Variants in KLHL28 observed in about 807,000 individuals in gnomAD.
KLHL28 encodes kelch like family member 28.
In KLHL28, 22 loss-of-function variants were observed where a neutral mutation model predicts 48.3. The observed-to-expected ratio is 0.46, with a 90% CI of 0.33 to 0.65. The LOEUF (loss-of-function observed/expected upper bound fraction) is 0.65, where lower values mean the gene tolerates loss of function less well. KLHL28 is among the 30% of genes least tolerant of loss of function. The probability of loss-of-function intolerance (pLI) is 0.03; values close to 1 mark genes in which losing one functional copy is unlikely to be tolerated. For synonymous variants in KLHL28, 243 were observed against 242.4 expected, an observed-to-expected ratio of 1.00 and a Z score of -0.02; for missense variants, 527 against 704.3, an observed-to-expected ratio of 0.75 and a Z score of 2.85.
At chr14:44,948,871 T>C (rs1210167998) in intron 1 of KLHL28, among the ~76,000 whole-genome samples, 9 of 152,148 alleles carry the variant, frequency 5.9e-5, no homozygotes, top group Admixed American at 5.9e-4. Flanking sequence ...AGCATTTATT[T>C]ACTATATCCC....
intron 2 of KLHL28, among the ~76,000 whole-genome samples, chr14:44,943,964 G>A (rs147808879): frequency 2.3e-4 from 35 of 152,134 alleles, no homozygotes; most frequent in African/African-American, 7.9e-4. Flanking sequence ...ATCCTCCTGT[G>A]TTGGCCTCCC....
chr14:44,941,584 C>T (rs1284700070), intron 2 of KLHL28, among the ~76,000 whole-genome samples: 7 of 148,398 alleles, frequency 4.7e-5, no homozygotes, highest in South Asian at 2.1e-4. Context: ...GCCGAGATTG[C>T]GCCACTGCAC....
chr14:44,958,627 A>C (rs138391813), intron 1 of KLHL28, among the ~76,000 whole-genome samples: 1 of 152,116 alleles, frequency 6.6e-6, no homozygotes, highest in Non-Finnish European at 1.5e-5. Flanking sequence ...GACAAACAAA[A>C]GAAAAGTAAA....
At chr14:44,951,243 T>TGGA (rs1884566899) in intron 1 of KLHL28, among the ~76,000 whole-genome samples, 1 of 151,994 alleles carries the variant, frequency 6.6e-6, no homozygotes, top group Admixed American at 6.6e-5. Context: ...GTAGGGGAAA[T>TGGA]AGAGAGGTGA....
chr14:44,942,373 T>C (rs941214468), intron 2 of KLHL28, among the ~76,000 whole-genome samples: 1 of 152,144 alleles, frequency 6.6e-6, no homozygotes, highest in African/African-American at 2.4e-5. Context: ...GATCTCATCA[T>C]CTCTTGCCTA....
chr14:44,961,221 T>C, intron 1 of KLHL28: 1 of 254,282 alleles, frequency 3.9e-6, no homozygotes, highest in Non-Finnish European at 7.6e-6. Flanking sequence ...AGTGAAATTG[T>C]CTTCGCAATC....
chr14:44,946,264 G>A (rs1353886802), intron 1 of KLHL28, among the ~76,000 whole-genome samples: 3 of 152,148 alleles, frequency 2.0e-5, no homozygotes, highest in Non-Finnish European at 4.4e-5. Context: ...TCAAGTCTGA[G>A]CTATCACTGA....
At chr14:44,957,243 T>A (rs1445190929) in intron 1 of KLHL28, among the ~76,000 whole-genome samples, 1 of 152,226 alleles carries the variant, frequency 6.6e-6, no homozygotes, top group Non-Finnish European at 1.5e-5. Context: ...TGAAGATGCG[T>A]GATAGGTAAA....
intron 1 of KLHL28, among the ~76,000 whole-genome samples, chr14:44,947,716 A>G (rs759622975): frequency 1.3e-5 from 2 of 152,196 alleles, no homozygotes; most frequent in Non-Finnish European, 2.9e-5. Context: ...AACTCTTGAA[A>G]TTTTTATCTT....
intron 1 of KLHL28, chr14:44,960,895 G>C: frequency 3.2e-6 from 5 of 1,538,714 alleles, no homozygotes; most frequent in African/African-American, 2.7e-5. Flanking sequence ...ACCTGGTACA[G>C]AGCAGGGTAG....
chr14:44,950,997 G>C (rs1884555752), intron 1 of KLHL28, among the ~76,000 whole-genome samples: 1 of 152,220 alleles, frequency 6.6e-6, no homozygotes, highest in Non-Finnish European at 1.5e-5. Context: ...TGGCTTATTA[G>C]ATTTAGATAG....
chr14:44,940,655 C>T (rs142703978), intron 2 of KLHL28, among the ~76,000 whole-genome samples: 8 of 152,070 alleles, frequency 5.3e-5, no homozygotes, highest in South Asian at 2.1e-4. Flanking sequence ...TGCTTTCAAC[C>T]CCCCCGCCAG....
rs1055659162 is a variant in KLHL28 at position 44,925,088 on chromosome 14, A to C, written c.*3940T>G. On this transcript the variant is annotated 3_prime_UTR_variant, in exon 5 of 5. Transcript: ENST00000396128. ...TAAAGTGCTGTTTACAAAGGGAAAA[A>C]AGGTTAAGAAGTAGAACTGGATGTT... The C allele has an allele frequency of 1.3e-5, 2 of 152,592 alleles. No homozygotes were observed. The highest frequency in any genetic ancestry group is 4.8e-5 in the African/African-American group (2 of 41,460). 9.5% of individuals were successfully genotyped at this position (152,592 alleles called of 1,614,324 possible).
chr14:44,950,458 C>A (rs746746369), intron 1 of KLHL28, among the ~76,000 whole-genome samples: 3 of 152,046 alleles, frequency 2.0e-5, no homozygotes, highest in Non-Finnish European at 4.4e-5. Flanking sequence ...TTTTTGTGTA[C>A]CCAATTCAAA....
At chr14:44,942,296 C>A (rs531301725) in intron 2 of KLHL28, among the ~76,000 whole-genome samples, 3 of 150,684 alleles carry the variant, frequency 2.0e-5, no homozygotes, top group African/African-American at 7.2e-5. Flanking sequence ...TGTCAATTTA[C>A]TCTGTTAAAA....
Position 44,928,691 on chromosome 14 carries a change from A to AT in KLHL28, c.*336_*337insA, listed in dbSNP as rs1883459160. ...AGGGAAGGAGAGCTAAAATAAAAAA[A>AT]AAAAAAAAAAAAAAGCAGCCACGTT... On this transcript the variant is annotated 3_prime_UTR_variant, in exon 5 of 5. Coordinates refer to ENST00000396128, the MANE Select transcript of KLHL28 (RefSeq NM_017658.5). 3.1e-5 allele frequency: 5 copies of AT among 159,470 alleles called. No homozygotes were observed. Among genetic ancestry groups the AT allele is most frequent in the Admixed American group, 6.4e-5 (1 of 15,614 alleles). The allele number at this position is 159,470 out of a possible 1,614,324, so 9.9% of individuals were successfully genotyped here.
At chr14:44,934,065 G>A in intron 3 of KLHL28, 50 bp downstream of exon 3, 1 of 1,422,022 alleles carries the variant, frequency 7.0e-7, no homozygotes, top group Non-Finnish European at 9.6e-7. Context: ...TTGCTAATGA[G>A]ACTTTTAAAA....
intron 2 of KLHL28, among the ~76,000 whole-genome samples, chr14:44,938,527 A>G (rs563159262): frequency 6.1e-4 from 92 of 151,912 alleles, no homozygotes; most frequent in Non-Finnish European, 1.2e-3. Flanking sequence ...GCCCACCACC[A>G]CGCCCAGCTA....
At chr14:44,954,599 C>G (rs191934648) in intron 1 of KLHL28, among the ~76,000 whole-genome samples, 2 of 152,072 alleles carry the variant, frequency 1.3e-5, no homozygotes, top group Admixed American at 1.3e-4. Context: ...CACCATTTAT[C>G]TACGATAGGG....
Sources: allele counts gnomAD v4.1 joint callset (sites outside exome capture counted in the v4.1 genomes callset), GRCh38; gene constraint gnomAD v4.1.1; transcripts MANE v1.5; gene names NCBI Gene and HGNC (gene_info 2026-07-23, HGNC 2026-07-21).